The following ROBO2 variants were observed in gnomAD, a reference collection of about 807,000 sequenced individuals.
ROBO2 encodes roundabout homolog 2.
In ROBO2, 53 loss-of-function variants were observed where a neutral mutation model predicts 160.8. The ratio of observed to expected loss-of-function variants is 0.33; its 90% confidence interval spans 0.26 to 0.41. The LOEUF (loss-of-function observed/expected upper bound fraction) is 0.41, where lower values mean the gene tolerates loss of function less well. ROBO2 is among the 10% of genes least tolerant of loss of function. The probability of loss-of-function intolerance (pLI) is 1.00; values close to 1 mark genes in which losing one functional copy is unlikely to be tolerated. For missense variants in ROBO2, 1,577 were observed against 1,722.4 expected, an observed-to-expected ratio of 0.92 and a Z score of 1.49; for synonymous variants, 664 against 611.7, an observed-to-expected ratio of 1.09 and a Z score of -1.26.
intron 2 of ROBO2, among the ~76,000 whole-genome samples, chr3:77,020,731 T>A (rs1440311282): frequency 6.6e-6 from 1 of 152,126 alleles, no homozygotes; most frequent in Non-Finnish European, 1.5e-5. Flanking sequence ...AAAATCATAG[T>A]TTCCAACTAT....
chr3:76,308,206 G>A (rs907733033), intron 2 of ROBO2, among the ~76,000 whole-genome samples: 21 of 151,638 alleles, frequency 1.4e-4, no homozygotes, highest in East Asian at 5.9e-4. Context: ...GTGAAACCTC[G>A]TCACTACTAA....
intron 2 of ROBO2, among the ~76,000 whole-genome samples, chr3:77,022,198 C>T (rs188628570): frequency 1.1e-3 from 174 of 152,266 alleles, no homozygotes; most frequent in African/African-American, 4.1e-3. Flanking sequence ...GGCGAAATCT[C>T]GTCTCTACTA....
At chr3:77,213,494 G>A (rs533885723) in intron 2 of ROBO2, among the ~76,000 whole-genome samples, 4 of 151,764 alleles carry the variant, frequency 2.6e-5, no homozygotes, top group East Asian at 1.9e-4. Flanking sequence ...TCCTGCTAGC[G>A]GTCTATCAAT....
intron 2 of ROBO2, among the ~76,000 whole-genome samples, chr3:77,182,273 T>C (rs1224504032): frequency 6.6e-6 from 1 of 152,112 alleles, no homozygotes. Flanking sequence ...ATTCAGAATT[T>C]ACTTGTTCAT....
chr3:76,413,143 A>C (rs963313259), intron 2 of ROBO2, among the ~76,000 whole-genome samples: 3 of 152,198 alleles, frequency 2.0e-5, no homozygotes, highest in Admixed American at 6.5e-5. Context: ...GCTGGAACAC[A>C]GGGCACTGAG....
chr3:76,930,986 G>T (rs550358285), intron 2 of ROBO2, among the ~76,000 whole-genome samples: 11 of 152,250 alleles, frequency 7.2e-5, no homozygotes, highest in African/African-American at 2.2e-4. Context: ...GAAGCATTGC[G>T]TAGCCTTTTT....
At chr3:77,139,590 A>G (rs1414626236) in intron 2 of ROBO2, among the ~76,000 whole-genome samples, 1 of 152,228 alleles carries the variant, frequency 6.6e-6, no homozygotes, top group Non-Finnish European at 1.5e-5. Context: ...GCAGATATGA[A>G]ACCAGCTCAA....
At chr3:77,227,295 A>T (rs2151251943) in intron 2 of ROBO2, among the ~76,000 whole-genome samples, 1 of 152,312 alleles carries the variant, frequency 6.6e-6, no homozygotes, top group South Asian at 2.1e-4. Flanking sequence ...AAATATTCAC[A>T]TAAGATTCAG....
chr3:75,954,514 G>C (rs1345449809), intron 2 of ROBO2, among the ~76,000 whole-genome samples: 2 of 151,798 alleles, frequency 1.3e-5, no homozygotes, highest in Non-Finnish European at 2.9e-5. Context: ...CCTCAAACTT[G>C]CTTTAGCAAA....
rs911820924 is a variant in ROBO2, at chr3:76,391,429, G to A, written c.109+453827G>A. 2.6e-4 allele frequency among the ~76,000 whole-genome samples: 40 copies of A among 152,100 alleles called. 1 individual carries two copies. Among genetic ancestry groups the A allele is most frequent in the African/African-American group, 9.6e-4 (40 of 41,504 alleles). The stretch of plus-strand genomic sequence containing the variant: ...TGTGCTTATTTAAAATAGTAATAAA[G>A]CTCATACAATGTGTTTCTAGTCTGA... On this transcript the variant is annotated intron_variant, in intron 2 of 26. Transcript: ENST00000487694.
chr3:77,498,369 C>A (rs1200612953), intron 5 of ROBO2, among the ~76,000 whole-genome samples: 2 of 152,122 alleles, frequency 1.3e-5, no homozygotes, highest in Non-Finnish European at 2.9e-5. Context: ...ATGGCTTGCA[C>A]ATAGTGGATA....
At chr3:77,059,270 A>G (rs2066057042) in intron 1 of ROBO2, among the ~76,000 whole-genome samples, 2 of 152,202 alleles carry the variant, frequency 1.3e-5, no homozygotes, top group South Asian at 4.1e-4. Flanking sequence ...AGCCTGGAAG[A>G]AAGTCAAGTG....
intron 2 of ROBO2, among the ~76,000 whole-genome samples, chr3:76,970,377 T>C (rs1364930005): frequency 2.0e-5 from 3 of 152,120 alleles, no homozygotes; most frequent in Non-Finnish European, 4.4e-5. Flanking sequence ...TACCAGGAGA[T>C]AATTTTAGCC....
intron 23 of ROBO2, chr3:77,632,703 C>T: frequency 1.4e-6 from 2 of 1,475,236 alleles, no homozygotes; most frequent in South Asian, 2.6e-5. Context: ...GAATCTTGTC[C>T]TTGGACACTG....
At chr3:76,330,879 A>G (rs188141499) in intron 2 of ROBO2, among the ~76,000 whole-genome samples, 2 of 152,338 alleles carry the variant, frequency 1.3e-5, no homozygotes, top group Non-Finnish European at 1.5e-5. Context: ...GTCACGTCTG[A>G]TTGATGGTTT....
At chr3:76,644,883 A>C (rs1463917068) in intron 2 of ROBO2, among the ~76,000 whole-genome samples, 1 of 152,252 alleles carries the variant, frequency 6.6e-6, no homozygotes. Context: ...AACTTTTTAC[A>C]TGCATTATCT....
chr3:76,754,680 C>T (rs1004357709), intron 2 of ROBO2, among the ~76,000 whole-genome samples: 1 of 151,810 alleles, frequency 6.6e-6, no homozygotes, highest in African/African-American at 2.4e-5. Context: ...GACAAGACAT[C>T]CCTATCAATA....
At chr3:76,377,968 T>C (rs1393899471) in intron 2 of ROBO2, among the ~76,000 whole-genome samples, 1 of 152,162 alleles carries the variant, frequency 6.6e-6, no homozygotes, top group Non-Finnish European at 1.5e-5. Flanking sequence ...CGTGTGTGAC[T>C]GAGTAGTTGA....
At chr3:76,106,744 A>G (rs537461124) in intron 2 of ROBO2, among the ~76,000 whole-genome samples, 29 of 152,276 alleles carry the variant, frequency 1.9e-4, no homozygotes, top group African/African-American at 7.0e-4. Context: ...TATTAGGACA[A>G]TAATACAGTT....
Sources: allele counts gnomAD v4.1 joint callset (sites outside exome capture counted in the v4.1 genomes callset), GRCh38; gene constraint gnomAD v4.1.1; transcripts MANE v1.5; gene names NCBI Gene and HGNC (gene_info 2026-07-23, HGNC 2026-07-21).